PARD3B: variants seen among roughly 807,000 people sequenced by gnomAD.
PARD3B encodes partitioning defective 3 homolog B.
PARD3B carries 103 observed loss-of-function variants against 130.2 expected under a neutral mutation model. The ratio of observed to expected loss-of-function variants is 0.79; its 90% confidence interval spans 0.67 to 0.93. PARD3B has a LOEUF of 0.93. Among genes scored for constraint, PARD3B ranks in the 40% least tolerant of loss-of-function variants. The pLI, the probability that PARD3B is intolerant of heterozygous loss-of-function variation, is 0.00. For missense variants in PARD3B, 1,609 were observed against 1,499.2 expected (o/e 1.07, Z -1.21); for synonymous variants, 583 against 553.2 (o/e 1.05, Z -0.76).
chr2:205,369,799 T>A (rs1355426873), intron 18 of PARD3B, among the ~76,000 whole-genome samples: 2 of 152,190 alleles, frequency 1.3e-5, no homozygotes, highest in Non-Finnish European at 2.9e-5. Flanking sequence ...CATTCTTACT[T>A]CCTGTACAAA....
rs2031811556 is a variant in PARD3B at position 205,129,690 on chromosome 2, C to T, written c.1434+3953C>T. 2.6e-5 allele frequency among the ~76,000 whole-genome samples: 4 copies of T among 152,330 alleles called. No individual in the cohort carries two copies. The South Asian group carries it at 6.2e-4, about 24-fold the overall frequency. Reference sequence around the variant, plus strand: ...TTCTGCGAGCTCTGTACCTTCTTAACAGCACTGCACTGCCTAGTTTCCGAC... The same window carrying T: ...TTCTGCGAGCTCTGTACCTTCTTAATAGCACTGCACTGCCTAGTTTCCGAC... On this transcript the variant is annotated intron_variant, in intron 10 of 22. Transcript: ENST00000406610.
Position 204,672,797 on chromosome 2 carries a change from A to T in PARD3B, c.121-13384A>T, listed in dbSNP as rs189190547. 3.3e-5 allele frequency among the ~76,000 whole-genome samples: 5 copies of T among 152,310 alleles called. No individual in the cohort carries two copies. The East Asian group carries it at 9.6e-4, about 29-fold the overall frequency. On this transcript the variant is annotated intron_variant, in intron 1 of 22. Coordinates refer to ENST00000406610, the MANE Select transcript of PARD3B (RefSeq NM_001302769.2). ...GCCCAGAGGGTCTCTTTGCCCTCCT[A>T]ACTGCTCATTAGCTTCTAGTTTTGA...
chr2:204,843,812 C>A (rs78730160), intron 2 of PARD3B, among the ~76,000 whole-genome samples: 1 of 152,098 alleles, frequency 6.6e-6, no homozygotes. Context: ...TTGTTCTCAA[C>A]GTGTCTTTAT....
chr2:205,153,029 C>A, intron 10 of PARD3B, among the ~76,000 whole-genome samples: 1 of 152,304 alleles, frequency 6.6e-6, no homozygotes, highest in East Asian at 1.9e-4. Context: ...AGCTGCAGGT[C>A]TGTTAGAGTT....
intron 2 of PARD3B, among the ~76,000 whole-genome samples, chr2:204,707,715 A>G (rs995196293): frequency 1.7e-4 from 26 of 152,294 alleles, no homozygotes; most frequent in Admixed American, 7.2e-4. Flanking sequence ...ATGTTAAATT[A>G]TGTCTGTGGA....
At chr2:205,049,008 G>A (rs1367329304) in intron 4 of PARD3B, among the ~76,000 whole-genome samples, 1 of 152,162 alleles carries the variant, frequency 6.6e-6, no homozygotes, top group Non-Finnish European at 1.5e-5. Flanking sequence ...AATTATGTTG[G>A]ATTGGGGGAA....
chr2:205,469,262 C>T (rs2048742420), intron 20 of PARD3B, among the ~76,000 whole-genome samples: 1 of 152,114 alleles, frequency 6.6e-6, no homozygotes, highest in Admixed American at 6.5e-5. Context: ...GTGACACGAG[C>T]TTATTGGACA....
At chr2:205,308,520 T>C (rs1280979494) in intron 18 of PARD3B, among the ~76,000 whole-genome samples, 1 of 144,554 alleles carries the variant, frequency 6.9e-6, no homozygotes, top group Non-Finnish European at 1.5e-5. Context: ...GGCAGGAGAA[T>C]GGCGTGAACC....
At chr2:205,545,984 G>C (rs2052362488) in intron 21 of PARD3B, among the ~76,000 whole-genome samples, 1 of 152,148 alleles carries the variant, frequency 6.6e-6, no homozygotes. Flanking sequence ...ATGAATGTAA[G>C]CAGCAAGCTC....
chr2:205,429,504 T>C (rs1301355617), intron 19 of PARD3B, among the ~76,000 whole-genome samples: 1 of 152,060 alleles, frequency 6.6e-6, no homozygotes. Flanking sequence ...GTGAAAGAAA[T>C]GATTAAATGA....
chr2:205,111,057 G>A (rs964933358), intron 5 of PARD3B, among the ~76,000 whole-genome samples: 8 of 151,934 alleles, frequency 5.3e-5, no homozygotes, highest in Admixed American at 5.2e-4. Context: ...GGTCCATGGG[G>A]CATTATTTTT....
intron 4 of PARD3B, among the ~76,000 whole-genome samples, chr2:205,083,769 G>T (rs553731448): frequency 6.6e-6 from 1 of 151,570 alleles, no homozygotes; most frequent in Non-Finnish European, 1.5e-5. Flanking sequence ...ATATGGTTTA[G>T]AAACTTTTTT....
At chr2:205,416,721 T>C (rs1254101939) in intron 19 of PARD3B, among the ~76,000 whole-genome samples, 2 of 152,068 alleles carry the variant, frequency 1.3e-5, no homozygotes, top group Non-Finnish European at 2.9e-5. Context: ...TTAAAAAAAA[T>C]CATGTAAGTA....
intron 19 of PARD3B, among the ~76,000 whole-genome samples, chr2:205,406,302 A>G (rs1302924353): frequency 2.0e-5 from 3 of 152,128 alleles, no homozygotes; most frequent in Non-Finnish European, 2.9e-5. Context: ...TTATTTATGT[A>G]TTTGTCTCTT....
At chr2:204,883,774 C>G (rs934662647) in intron 2 of PARD3B, among the ~76,000 whole-genome samples, 1 of 145,332 alleles carries the variant, frequency 6.9e-6, no homozygotes, top group African/African-American at 2.6e-5. Flanking sequence ...GAGTTTTGCT[C>G]TGTCACCCAG....
chr2:205,331,494 G>T (rs2043127441), intron 18 of PARD3B, among the ~76,000 whole-genome samples: 1 of 152,036 alleles, frequency 6.6e-6, no homozygotes, highest in Non-Finnish European at 1.5e-5. Flanking sequence ...AGAAAAGCCT[G>T]TGTTGGGCCG....
chr2:205,550,961 A>ATATATATATATG lies in PARD3B; in HGVS notation c.3181-2352_3181-2351insGTATATATATAT, dbSNP rs1559206978. On this transcript the variant is annotated intron_variant, in intron 21 of 22. Transcript: ENST00000406610. The surrounding 1 kb of genome is among the most constrained non-coding windows in gnomAD (Gnocchi z 4.5). ...TGTGTGTATATATATATGTGTATATATATATATATATATATACACACACAC... is the reference window on the plus strand; with the variant it reads ...TGTGTGTATATATATATGTGTATATATATATATATATGTATATATATATATATACACACACAC... Among the ~76,000 whole-genome samples, 2 of 104,438 alleles carry ATATATATATATG rather than the reference A, an allele frequency of 1.9e-5. No homozygotes were observed. The highest frequency in any genetic ancestry group is 4.1e-5 in the Non-Finnish European group (2 of 48,506). The allele number at this position is 104,438 out of a possible 152,430, so 68.5% of individuals were successfully genotyped here.
At chr2:204,746,639 C>G (rs1255059926) in intron 2 of PARD3B, among the ~76,000 whole-genome samples, 1 of 152,096 alleles carries the variant, frequency 6.6e-6, no homozygotes, top group Non-Finnish European at 1.5e-5. Context: ...CTCTCCAGCA[C>G]CTGTTGTTTC....
At chr2:205,050,166 AATT>A (rs1424021354) in intron 4 of PARD3B, among the ~76,000 whole-genome samples, 6 of 148,536 alleles carry the variant, frequency 4.0e-5, no homozygotes, top group South Asian at 2.1e-4. Context: ...CCAGCTAATT[AATT>A]ATTATTAATT....
Sources: allele counts gnomAD v4.1 joint callset (sites outside exome capture counted in the v4.1 genomes callset), GRCh38; gene constraint gnomAD v4.1.1; non-coding constraint Gnocchi (gnomAD v3.1); transcripts MANE v1.5; gene names NCBI Gene and HGNC (gene_info 2026-07-23, HGNC 2026-07-21).